The following CROCC2 variants were observed in gnomAD, a reference collection of about 807,000 sequenced individuals.
CROCC2 encodes the protein ciliary rootlet coiled-coil protein 2.
In CROCC2, 163 loss-of-function variants were observed where a neutral mutation model predicts 177.6. The observed-to-expected ratio is 0.92, with a 90% CI of 0.81 to 1.05. CROCC2 has a LOEUF of 1.05. CROCC2 is among the 50% of genes least tolerant of loss of function. The pLI, the probability that CROCC2 is intolerant of heterozygous loss-of-function variation, is 0.00. For missense variants in CROCC2, 1,929 were observed against 1,797.8 expected (o/e 1.07, Z -1.32); for synonymous variants, 904 against 787.3 (o/e 1.15, Z -2.48).
chr2:240,934,807 A>G, intron 12 of CROCC2, 109 bp from the exon 13 acceptor site: 1 of 1,232,448 alleles, frequency 8.1e-7, no homozygotes, highest in Non-Finnish European at 1.1e-6. Context: ...TCCGCCCAAG[A>G]GCTCTGGCTT....
At chr2:240,909,526 T>C (rs574347273) in intron 1 of CROCC2, among the ~76,000 whole-genome samples, 2 of 152,350 alleles carry the variant, frequency 1.3e-5, no homozygotes, top group East Asian at 1.9e-4. Flanking sequence ...TCCCCTCGGA[T>C]GTCAGGAAAG....
chr2:240,916,806 G>C (rs543883142), intron 1 of CROCC2, among the ~76,000 whole-genome samples: 68 of 152,322 alleles, frequency 4.5e-4, no homozygotes, highest in African/African-American at 1.6e-3. Flanking sequence ...TTCCCAGTCT[G>C]GGGGATTGAG....
In CROCC2 at chr2:240,933,934, C is replaced by G. The variant is rs2059450417; in HGVS notation, c.1646+82C>G. ...CCACCATCAGCCACTTGGCCTTGGG[C>G]CACGGGTCTGCTTTTTCACCTGTCT... On this transcript the variant is annotated intron_variant, in intron 11 of 31. Coordinates refer to ENST00000690015, the MANE Select transcript of CROCC2 (RefSeq NM_001351305.2). 3 of 1,419,478 alleles carry G rather than the reference C, an allele frequency of 2.1e-6. No homozygotes were observed. The Admixed American group carries it at 6.7e-5, about 32-fold the overall frequency. The allele number at this position is 1,419,478 out of a possible 1,614,324, so 87.9% of individuals were successfully genotyped here. A position where few individuals can be genotyped will look rare whatever the true frequency, so the allele number is the denominator to read the frequency against.
In CROCC2 at chr2:240,973,631, TA is replaced by T. The variant is rs1396225990; in HGVS notation, c.4401+5373del. Among the ~76,000 whole-genome samples, 1 of 152,116 alleles carries T rather than the reference TA, an allele frequency of 6.6e-6. No homozygotes were observed. The highest frequency in any genetic ancestry group is 1.9e-4 in the East Asian group (1 of 5,198). The stretch of plus-strand genomic sequence containing the variant: ...TCAACTCAGCGTCAGTCACAGGTTC[TA>T]AAAGTTTCCGGGGTCCACATATGCC... On this transcript the variant is annotated intron_variant, in intron 27 of 31. Transcript: ENST00000690015. The surrounding 1 kb of genome is among the most constrained non-coding windows in gnomAD (Gnocchi z 4.7).
chr2:240,910,120 G>A (rs995994693), intron 1 of CROCC2, among the ~76,000 whole-genome samples: 5 of 152,182 alleles, frequency 3.3e-5, no homozygotes, highest in African/African-American at 1.2e-4. Flanking sequence ...GGAATTGGAT[G>A]TAAAGGGGCA....
intron 14 of CROCC2, among the ~76,000 whole-genome samples, chr2:240,936,976 A>G (rs933058174): frequency 6.6e-6 from 1 of 152,224 alleles, no homozygotes; most frequent in Non-Finnish European, 1.5e-5. Flanking sequence ...TCGCATACAT[A>G]TATTTTTATT....
At position 240,973,290 on chromosome 2, in the gene CROCC2, C is replaced by T. The variant is rs1242347870; in HGVS notation, c.4401+5028C>T. 1.3e-5 allele frequency among the ~76,000 whole-genome samples: 2 copies of T among 152,192 alleles called. No individual in the cohort carries two copies. Among genetic ancestry groups the T allele is most frequent in the African/African-American group, 2.4e-5 (1 of 41,432 alleles). ...TACCCTGGGAATTCAATAGAACAGC[C>T]GTGCAGGACCAGCCCGTGGTGTCAG... On this transcript the variant is annotated intron_variant, in intron 27 of 31. Coordinates refer to ENST00000690015, the MANE Select transcript of CROCC2 (RefSeq NM_001351305.2). This position sits in a 1 kb window ranked among gnomAD's most constrained non-coding sequence, Gnocchi z 4.7.
At position 240,972,082 on chromosome 2, in the gene CROCC2, G is replaced by C. The variant is rs75914386; in HGVS notation, c.4401+3820G>C. Among the ~76,000 whole-genome samples the C allele has an allele frequency of 0.037, 5,556 of 152,134 alleles. 334 individuals are homozygous for C. The highest frequency in any genetic ancestry group is 0.13 in the African/African-American group (5,275 of 41,476). ...ACTCTCAGATCTGATTCCTCAGATC[G>C]ACTTTATTTTCTCAAACCCCAGTGG... On this transcript the variant is annotated intron_variant, in intron 27 of 31. Transcript: ENST00000690015. This position sits in a 1 kb window ranked among gnomAD's most constrained non-coding sequence, Gnocchi z 7.1.
At chr2:240,919,016 G>C (rs2059339323) in intron 2 of CROCC2, 140 bp downstream of exon 2, 1 of 604,370 alleles carries the variant, frequency 1.7e-6, no homozygotes, top group African/African-American at 2.1e-5. Flanking sequence ...ATGGCGTGGG[G>C]GACAGTCCTG....
rs971467502 is a variant in CROCC2 at position 240,917,941 on chromosome 2, G to A, written c.79-785G>A. The stretch of plus-strand genomic sequence containing the variant: ...CCCTCCCCAAGCTGTGCCCCTGCCC[G>A]GCAAAATGCCATTAGAGCCCAAGAC... On this transcript the variant is annotated intron_variant, in intron 1 of 31. Transcript: ENST00000690015. The surrounding 1 kb of genome is among the most constrained non-coding windows in gnomAD (Gnocchi z 4.9). 4.6e-5 allele frequency among the ~76,000 whole-genome samples: 7 copies of A among 152,120 alleles called. No homozygotes were observed. The highest frequency in any genetic ancestry group is 9.7e-5 in the African/African-American group (4 of 41,430).
chr2:240,991,382 G>C (rs1447341053), intron 31 of CROCC2, 104 bp downstream of exon 31: 1 of 1,003,962 alleles, frequency 1.0e-6, no homozygotes, highest in Non-Finnish European at 1.4e-6. Flanking sequence ...GGCTGCTGGG[G>C]GAACCACTGT....
In CROCC2 at chr2:240,932,238, T is replaced by C. The variant is rs538896704; in HGVS notation, c.948-80T>C. Reference sequence around the variant, plus strand: ...GCAGGGGGGCCACCGCACAAAGGAGTCCGGGCAGAGCCAGGGCATGCTTGG... The same window carrying C: ...GCAGGGGGGCCACCGCACAAAGGAGCCCGGGCAGAGCCAGGGCATGCTTGG... On this transcript the variant is annotated intron_variant, in intron 7 of 31. Coordinates refer to ENST00000690015, the MANE Select transcript of CROCC2 (RefSeq NM_001351305.2). 1.5e-5 allele frequency: 10 copies of C among 651,356 alleles called. No individual in the cohort carries two copies. The Admixed American group carries it at 2.3e-4, about 15-fold the overall frequency. 40.3% of individuals were successfully genotyped at this position (651,356 alleles called of 1,614,324 possible).
chr2:240,910,987 C>T (rs2059283756), intron 1 of CROCC2, among the ~76,000 whole-genome samples: 1 of 151,884 alleles, frequency 6.6e-6, no homozygotes, highest in African/African-American at 2.4e-5. Flanking sequence ...AAAAATTAGC[C>T]AGGCATGATG....
At chr2:240,974,145 G>A (rs969626307) in intron 27 of CROCC2, among the ~76,000 whole-genome samples, 1 of 152,118 alleles carries the variant, frequency 6.6e-6, no homozygotes, top group Non-Finnish European at 1.5e-5. Flanking sequence ...TATATGCGTA[G>A]TTGTACCTTA....
At chr2:240,989,553 G>A in intron 29 of CROCC2, 101 bp from the exon 30 acceptor site, 1 of 1,173,378 alleles carries the variant, frequency 8.5e-7, no homozygotes, top group African/African-American at 1.5e-5. Flanking sequence ...GGGCAGTGGG[G>A]CCCACAAGGA....
intron 7 of CROCC2, 77 bp downstream of exon 7, chr2:240,931,205 T>C: frequency 1.6e-6 from 1 of 640,072 alleles, no homozygotes; most frequent in South Asian, 1.8e-5. Flanking sequence ...CGAGCAGCTG[T>C]GGATCCCAGA....
intron 3 of CROCC2, among the ~76,000 whole-genome samples, chr2:240,921,239 G>A (rs943747034): frequency 6.6e-6 from 1 of 152,166 alleles, no homozygotes; most frequent in Non-Finnish European, 1.5e-5. Context: ...AGCTCTCTGA[G>A]GGGCCCGTTC....
chr2:240,989,849 C>T lies in CROCC2; in HGVS notation c.4863+16C>T. The T allele has an allele frequency of 1.3e-6, 2 of 1,525,848 alleles. No individual in the cohort carries two copies. The highest frequency in any genetic ancestry group is 1.8e-6 in the Non-Finnish European group (2 of 1,129,088). The allele number at this position is 1,525,848 out of a possible 1,614,324, so 94.5% of individuals were successfully genotyped here. A position where few individuals can be genotyped will look rare whatever the true frequency, so the allele number is the denominator to read the frequency against. ...GGAAGAGCAGGTAAGGTCGGGACCC[C>T]AGCCCCCTGGGTGAGGGAAGAGGCA... On this transcript the variant is annotated intron_variant, in intron 30 of 31. Coordinates refer to ENST00000690015, the MANE Select transcript of CROCC2 (RefSeq NM_001351305.2).
intron 18 of CROCC2, 48 bp downstream of exon 18, chr2:240,950,558 C>A: frequency 6.6e-7 from 1 of 1,511,556 alleles, no homozygotes; most frequent in Non-Finnish European, 8.9e-7. Flanking sequence ...CCCACTGCAC[C>A]TGTCACCTCT....
Sources: gnomAD v4.1 joint callset for allele counts (sites outside exome capture counted in the v4.1 genomes callset) on GRCh38, gnomAD v4.1.1 for gene constraint, Gnocchi (gnomAD v3.1) non-coding constraint, MANE v1.5 for transcripts, NCBI Gene and HGNC (gene_info 2026-07-23, HGNC 2026-07-21) for gene names.